ARL13B: variants seen among roughly 807,000 people sequenced by gnomAD.
The protein encoded by ARL13B is ARF like GTPase 13B.
ARL13B carries 36 observed loss-of-function variants against 56.1 expected under a neutral mutation model. That is an observed-to-expected ratio of 0.64 (90% confidence interval 0.49 to 0.85). The LOEUF is 0.85. Among genes scored for constraint, ARL13B ranks in the 40% least tolerant of loss-of-function variants. The probability of loss-of-function intolerance (pLI) is 0.00; values close to 1 mark genes in which losing one functional copy is unlikely to be tolerated. For missense variants in ARL13B, 519 were observed against 507.1 expected, an observed-to-expected ratio of 1.02 and a Z score of -0.23; for synonymous variants, 178 against 171.1, an observed-to-expected ratio of 1.04 and a Z score of -0.32.
intron 1 of ARL13B, among the ~76,000 whole-genome samples, chr3:93,993,079 A>T (rs2075904645): frequency 6.6e-6 from 1 of 150,592 alleles, no homozygotes; most frequent in South Asian, 2.1e-4. Flanking sequence ...TGCTGAGATT[A>T]CAGGAATGAA....
intron 3 of ARL13B, among the ~76,000 whole-genome samples, chr3:94,021,101 A>T (rs1271432657): frequency 6.6e-6 from 1 of 151,874 alleles, no homozygotes; most frequent in Non-Finnish European, 1.5e-5. Flanking sequence ...ATTAGTCAGG[A>T]GGAATATTAG....
intron 3 of ARL13B, among the ~76,000 whole-genome samples, chr3:94,009,132 C>T (rs887411220): frequency 7.3e-6 from 1 of 136,670 alleles, no homozygotes; most frequent in African/African-American, 2.7e-5. Flanking sequence ...TATTCTTGAC[C>T]CTGGTCTTTG....
chr3:94,039,799 C>A (rs530465691), intron 5 of ARL13B, 81 bp from the exon 6 acceptor site: 18 of 1,129,026 alleles, frequency 1.6e-5, no homozygotes, highest in Non-Finnish European at 2.1e-5. Flanking sequence ...CATGTAATAG[C>A]CTTATACCTA....
chr3:94,002,057 C>T (rs1175714070), intron 2 of ARL13B, among the ~76,000 whole-genome samples: 1 of 152,154 alleles, frequency 6.6e-6, no homozygotes, highest in African/African-American at 2.4e-5. Flanking sequence ...TGGTGTGTTG[C>T]AAGTCTGTTT....
At chr3:94,009,376 C>G (rs2076186729) in intron 3 of ARL13B, among the ~76,000 whole-genome samples, 2 of 151,220 alleles carry the variant, frequency 1.3e-5, no homozygotes, top group South Asian at 4.2e-4. Flanking sequence ...CACCTTCCTT[C>G]TAGGCAGTAT....
chr3:94,014,661 A>G lies in ARL13B; in HGVS notation c.380+10753A>G, dbSNP rs1359931361. On this transcript the variant is annotated intron_variant, in intron 3 of 9. Coordinates refer to ENST00000394222, the MANE Select transcript of ARL13B (RefSeq NM_001174150.2). The stretch of plus-strand genomic sequence containing the variant: ...TCTCTGAAAGTTGTGCTTTAGTGAT[A>G]TTGATTTCTGTAAGTAAGCTTTCAT... The G allele has an allele frequency of 2.5e-6, 4 of 1,613,618 alleles. No homozygotes were observed. In the East Asian group the frequency reaches 8.9e-5, roughly 36 times the overall value.
chr3:94,000,645 A>G (rs2076040047), intron 2 of ARL13B, among the ~76,000 whole-genome samples: 1 of 151,454 alleles, frequency 6.6e-6, no homozygotes, highest in East Asian at 1.9e-4. Flanking sequence ...GTGTATATGT[A>G]TATATATATA....
At chr3:94,033,639 C>T (rs768576619) in intron 3 of ARL13B, among the ~76,000 whole-genome samples, 3 of 152,090 alleles carry the variant, frequency 2.0e-5, no homozygotes, top group Non-Finnish European at 2.9e-5. Flanking sequence ...TCATCAATGG[C>T]TGCTAAAATC....
chr3:94,004,848 A>G (rs189406439), intron 3 of ARL13B, among the ~76,000 whole-genome samples: 89 of 152,226 alleles, frequency 5.8e-4, no homozygotes, highest in African/African-American at 1.9e-3. Flanking sequence ...AGCAATTCTC[A>G]TGTTTTATTG....
chr3:94,008,580 T>A (rs999209139), intron 3 of ARL13B, among the ~76,000 whole-genome samples: 7 of 152,166 alleles, frequency 4.6e-5, no homozygotes, highest in Non-Finnish European at 7.3e-5. Context: ...CAGCTTAATC[T>A]GTTGAAATTT....
At chr3:94,001,631 T>C (rs1419179864) in intron 2 of ARL13B, among the ~76,000 whole-genome samples, 1 of 152,196 alleles carries the variant, frequency 6.6e-6, no homozygotes, top group African/African-American at 2.4e-5. Flanking sequence ...CCTATTAATA[T>C]TCCACTTCTC....
intron 3 of ARL13B, among the ~76,000 whole-genome samples, chr3:94,030,394 T>A (rs981635960): frequency 8.6e-5 from 2 of 23,172 alleles, no homozygotes; most frequent in South Asian, 1.4e-3. Flanking sequence ...GCCTGGCTCA[T>A]TTTTTTTTTT....
Position 94,003,845 on chromosome 3 carries a change from A to G in ARL13B, c.317A>G (p.Glu106Gly). The G allele has an allele frequency of 3.1e-6, 5 of 1,613,746 alleles. No individual in the cohort carries two copies. The highest frequency in any genetic ancestry group is 4.2e-6 in the Non-Finnish European group (5 of 1,179,734). Reference protein sequence around the residue: ...VDSSDEERMEETKEAMSEMLR... With the variant: ...VDSSDEERMEGTKEAMSEMLR... ...TCCAGTGATGAAGAGAGAATGGAAG[A>G]GACAAAAGAGGCTATGTCAGAAATG... The change falls in exon 3 of 10, where the codon GAG (glutamate) becomes GGG (glycine). Residue 106 changes from glutamate (E) to glycine (G), a missense_variant. By Grantham distance (98) the Glu-to-Gly change is moderately conservative. Coordinates refer to ENST00000394222, the MANE Select transcript of ARL13B (RefSeq NM_001174150.2).
At position 94,053,843 on chromosome 3, in the gene ARL13B, A is replaced by G. The variant is rs1434919633; in HGVS notation, c.*580A>G. 2 of 301,080 alleles carry G rather than the reference A, an allele frequency of 6.6e-6. No individual in the cohort carries two copies. Among genetic ancestry groups the G allele is most frequent in the African/African-American group, 2.2e-5 (1 of 45,212 alleles). 18.7% of individuals were successfully genotyped at this position (301,080 alleles called of 1,614,324 possible). A position where few individuals can be genotyped will look rare whatever the true frequency, so the allele number is the denominator to read the frequency against. ...TTCAGACATGAACTATACAAACAGG[A>G]TATATTTATATGGCTTGAGGTATGT... On this transcript the variant is annotated 3_prime_UTR_variant, in exon 10 of 10. Coordinates refer to ENST00000394222, the MANE Select transcript of ARL13B (RefSeq NM_001174150.2).
intron 9 of ARL13B, among the ~76,000 whole-genome samples, chr3:94,051,752 C>T (rs2077071003): frequency 6.6e-6 from 1 of 152,072 alleles, no homozygotes; most frequent in Non-Finnish European, 1.5e-5. Context: ...CAGAAGTTTA[C>T]TCTTTAGAAA....
intron 7 of ARL13B, among the ~76,000 whole-genome samples, chr3:94,046,927 A>G (rs1187338572): frequency 1.3e-5 from 2 of 152,202 alleles, no homozygotes; most frequent in Admixed American, 6.5e-5. Context: ...TCGTAGGGAT[A>G]TAGCCTGCAT....
chr3:93,995,059 T>G (rs2075942074), intron 1 of ARL13B, among the ~76,000 whole-genome samples: 1 of 152,192 alleles, frequency 6.6e-6, no homozygotes, highest in Non-Finnish European at 1.5e-5. Context: ...ATGGTGGTAA[T>G]GGACTGTCTC....
intron 3 of ARL13B, among the ~76,000 whole-genome samples, chr3:94,022,590 T>C (rs900753377): frequency 2.6e-5 from 4 of 152,148 alleles, no homozygotes; most frequent in Non-Finnish European, 4.4e-5. Flanking sequence ...ACTACCCAAA[T>C]ATTATTTATA....
At chr3:94,035,111 A>G (rs1010307224) in intron 3 of ARL13B, among the ~76,000 whole-genome samples, 2 of 151,898 alleles carry the variant, frequency 1.3e-5, no homozygotes, top group Non-Finnish European at 2.9e-5. Flanking sequence ...GTGGCACACA[A>G]CTGTAGTCCC....
Sources: allele counts gnomAD v4.1 joint callset (sites outside exome capture counted in the v4.1 genomes callset), GRCh38; gene constraint gnomAD v4.1.1; transcripts MANE v1.5; gene names NCBI Gene and HGNC (gene_info 2026-07-23, HGNC 2026-07-21).